Variants in ANO9 observed in about 807,000 individuals in gnomAD.
The protein encoded by ANO9 is anoctamin 9, also known as anoctamin-9.
ANO9 carries 80 observed loss-of-function variants against 100.5 expected under a neutral mutation model. The ratio of observed to expected loss-of-function variants is 0.80; its 90% confidence interval spans 0.66 to 0.96. ANO9 has a LOEUF of 0.96. ANO9 is among the 40% of genes least tolerant of loss of function. The pLI is 0.00. For synonymous variants in ANO9, 473 were observed against 435.6 expected (o/e 1.09, Z -1.07); for missense variants, 1,064 against 1,072.7 (o/e 0.99, Z 0.11).
chr11:429,535 G>T, intron 11 of ANO9, 35 bp downstream of exon 11: 1 of 1,610,020 alleles, frequency 6.2e-7, no homozygotes, highest in Non-Finnish European at 8.5e-7. Flanking sequence ...CCCCTGCTCG[G>T]GTCGGCCTCA....
rs373457447 is a variant in ANO9 at position 428,709 on chromosome 11, G to A, written c.1020+13C>T. 8.1e-6 allele frequency: 13 copies of A among 1,612,830 alleles called. No homozygotes were observed. The highest frequency in any genetic ancestry group is 1.0e-5 in the Non-Finnish European group (12 of 1,179,910). ...CCCGGGTCTCCAGCCCCACCGCGGT[G>A]TCCCCTGCGTACCATGAGCAGGGTC... On this transcript the variant is annotated intron_variant, in intron 12 of 22. Coordinates refer to ENST00000332826, the MANE Select transcript of ANO9 (RefSeq NM_001012302.3).
At chr11:429,372 A>G (rs2133696072) in intron 11 of ANO9, 198 bp downstream of exon 11, 1 of 1,300,762 alleles carries the variant, frequency 7.7e-7, no homozygotes, top group Non-Finnish European at 1.0e-6. Context: ...GACACGGGAC[A>G]CTCACCCCAC....
At chr11:438,384 GCCCCCC>G (rs376556283) in intron 1 of ANO9, among the ~76,000 whole-genome samples, 1 of 95,450 alleles carries the variant, frequency 1.0e-5, no homozygotes, top group Non-Finnish European at 2.0e-5. Context: ...GACAGGTGTA[GCCCCCC>G]CCCGACTCAC....
intron 1 of ANO9, among the ~76,000 whole-genome samples, chr11:441,613 T>C (rs1208743734): frequency 6.6e-6 from 1 of 152,096 alleles, no homozygotes; most frequent in Admixed American, 6.5e-5. Context: ...TGTTCAGGAC[T>C]CTGGTAGAGG....
In ANO9 at chr11:432,970, G is replaced by A. The variant is rs1003856000; in HGVS notation, c.350+344C>T. 2 of 283,472 alleles carry A rather than the reference G, an allele frequency of 7.1e-6. No homozygotes were observed. Among genetic ancestry groups the A allele is most frequent in the Non-Finnish European group, 1.3e-5 (2 of 153,116 alleles). The allele number at this position is 283,472 out of a possible 1,614,324, so 17.6% of individuals were successfully genotyped here. A position where few individuals can be genotyped will look rare whatever the true frequency, so the allele number is the denominator to read the frequency against. ...GGGGCATCGGAACTGGAGAGGAGGG[G>A]TCTTCAAGAGACACTGGCCTTGATC... On this transcript the variant is annotated intron_variant, in intron 4 of 22. Transcript: ENST00000332826. The surrounding 1 kb of genome is among the most constrained non-coding windows in gnomAD (Gnocchi z 4.8).
At chr11:439,935 C>G (rs1845726787) in intron 1 of ANO9, among the ~76,000 whole-genome samples, 2 of 152,350 alleles carry the variant, frequency 1.3e-5, no homozygotes, top group Admixed American at 1.3e-4. Context: ...CCCTCCCAGG[C>G]AGTGCGTGGC....
rs1848133716 is a variant in ANO9, at chr11:420,838, A to G, written c.1513T>C (p.Ser505Pro). ...TGCCCGGACTCGGAGGCCCGCAGAG[A>G]GCGGCACTTGTGGGTCACCCACCTG... ...LVPWVTHKCR[S>P]LRASESGHLP... The change falls in exon 18 of 23, where the codon TCT (serine) becomes CCT (proline). Residue 505 changes from serine (S) to proline (P), a missense_variant. Ser to Pro is a moderately conservative substitution (Grantham distance 74, BLOSUM62 -1). Coordinates refer to ENST00000332826, the MANE Select transcript of ANO9 (RefSeq NM_001012302.3). The G allele has an allele frequency of 6.3e-7, 1 of 1,591,424 alleles. No homozygotes were observed. The highest frequency in any genetic ancestry group is 2.3e-5 in the East Asian group (1 of 44,210).
intron 1 of ANO9, among the ~76,000 whole-genome samples, chr11:439,916 T>C (rs538463216): frequency 6.6e-6 from 1 of 152,286 alleles, no homozygotes; most frequent in East Asian, 1.9e-4. Flanking sequence ...CGGAGCGACC[T>C]GCGTGCAGCC....
intron 7 of ANO9, 53 bp from the exon 8 acceptor site, chr11:430,456 A>G (rs11603743): frequency 0.62 from 421,443 of 679,684 alleles, 124,190 homozygotes; most frequent in African/African-American, 0.69. Flanking sequence ...GGGGAGGGAC[A>G]GGAAAGGGAT....
chr11:437,157 G>T (rs1394059305), intron 1 of ANO9, among the ~76,000 whole-genome samples: 1 of 151,830 alleles, frequency 6.6e-6, no homozygotes, highest in South Asian at 2.1e-4. Flanking sequence ...TGTGCACTGC[G>T]CATGCAGGGA....
In ANO9 at chr11:432,043, C is replaced by T. The variant is rs755574497; in HGVS notation, c.362G>A (p.Arg121Gln). 5.6e-6 allele frequency: 9 copies of T among 1,612,950 alleles called. No individual in the cohort carries two copies. Among genetic ancestry groups the T allele is most frequent in the Non-Finnish European group, 6.8e-6 (8 of 1,179,770 alleles). ...TIPVTTSLRI[R>Q]IVNFVVMNNK... The stretch of plus-strand genomic sequence containing the variant: ...GTTCATGACAACGAAGTTCACGATT[C>T]GGATTCTGAGACTCAAGAGCCAGAG... Residue 121 changes from arginine (R) to glutamine (Q), a missense_variant, in exon 5 of 23, where the codon CGA becomes CAA. Arg to Gln is a conservative substitution (Grantham distance 43). Coordinates refer to ENST00000332826, the MANE Select transcript of ANO9 (RefSeq NM_001012302.3). This position sits in a 1 kb window ranked among gnomAD's most constrained non-coding sequence, Gnocchi z 4.8.
intron 1 of ANO9, among the ~76,000 whole-genome samples, chr11:438,307 C>G (rs1845536330): frequency 6.6e-6 from 1 of 151,972 alleles, no homozygotes; most frequent in Non-Finnish European, 1.5e-5. Context: ...AGCACTAGGG[C>G]TGCCAGGTGT....
chr11:424,436 C>T (rs911330862), intron 15 of ANO9, among the ~76,000 whole-genome samples: 3 of 152,228 alleles, frequency 2.0e-5, no homozygotes, highest in Non-Finnish European at 4.4e-5. Context: ...TTCTTAACCT[C>T]TCTGGTCCTC....
rs1847964174 is a variant in ANO9, at chr11:418,345, T to C, written c.*26A>G. 6.4e-7 allele frequency: 1 copy of C among 1,554,512 alleles called. No homozygotes were observed. Among genetic ancestry groups the C allele is most frequent in the African/African-American group, 1.4e-5 (1 of 73,246 alleles). On this transcript the variant is annotated 3_prime_UTR_variant, in exon 23 of 23. Coordinates refer to ENST00000332826, the MANE Select transcript of ANO9 (RefSeq NM_001012302.3). ...CTGGTGGTGGCACTGTCTCAGCTCCTGGTGGCCTCTGGACGGGCTCTGGCC... is the reference window on the plus strand; with the variant it reads ...CTGGTGGTGGCACTGTCTCAGCTCCCGGTGGCCTCTGGACGGGCTCTGGCC...
In ANO9 at chr11:428,557, G is replaced by A; in HGVS notation, c.1103C>T (p.Pro368Leu). The change falls in exon 13 of 23, where the codon CCC (proline) becomes CTC (leucine). Residue 368 changes from proline (P) to leucine (L), a missense_variant. Pro to Leu is a moderately conservative substitution (Grantham distance 98). Transcript: ENST00000332826. ...CGTGGTCACCTGCTCCTCCAGGAAG[G>A]GCACGGCCGAGCTGCTGAAGAGCGC... is the stretch of plus-strand genomic sequence containing the variant. ...ASALFSSSAV[P>L]FLEEQVTTAV... 1.2e-6 allele frequency: 2 copies of A among 1,612,682 alleles called. No homozygotes were observed. The highest frequency in any genetic ancestry group is 1.7e-6 in the Non-Finnish European group (2 of 1,179,920).
intron 14 of ANO9, 72 bp downstream of exon 14, chr11:428,286 C>T (rs996276214): frequency 1.2e-6 from 2 of 1,608,138 alleles, no homozygotes; most frequent in African/African-American, 2.7e-5. Context: ...TGCTCTCTGA[C>T]CACAGCCCCA....
In ANO9 at chr11:422,565, A is replaced by C. The variant is rs866844414; in HGVS notation, c.1335-1367T>G. Among the ~76,000 whole-genome samples the C allele has an allele frequency of 1.3e-5, 2 of 152,298 alleles. No individual in the cohort carries two copies. Among genetic ancestry groups the C allele is most frequent in the South Asian group, 4.1e-4 (2 of 4,834 alleles). ...GACTCACTCAGAAGGACTCAGCCCC[A>C]CGCTGCAAGCTCTGCAGGGGGAGGA... On this transcript the variant is annotated intron_variant, in intron 15 of 22. Transcript: ENST00000332826. The surrounding 1 kb of genome is among the most constrained non-coding windows in gnomAD (Gnocchi z 4.3).
rs201521433 is a variant in ANO9, at chr11:428,352, T to A, written c.1222+6A>T. Reference sequence around the variant, plus strand: ...CCCCCAAGAGGGTCTGGGGTAGTCCTCTCACCGAAGTCACAAAGCTTCAGG... The same window carrying A: ...CCCCCAAGAGGGTCTGGGGTAGTCCACTCACCGAAGTCACAAAGCTTCAGG... On this transcript the variant is annotated splice_donor_region_variant and intron_variant, in intron 14 of 22. Transcript: ENST00000332826. The A allele has an allele frequency of 2.6e-4, 421 of 1,612,458 alleles. No individual in the cohort carries two copies. In the Middle Eastern group the frequency reaches 2.7e-3, roughly 10 times the overall value.
In ANO9 at chr11:428,520, C is replaced by A; in HGVS notation, c.1140G>T (p.Val380=). ...LEEQVTTAVV[V]TGALVHYVTI... ...TCACATAGTGCACCAGAGCCCCGGT[C>A]ACCACCACGGCCGTGGTCACCTGCT... The change falls in exon 13 of 23, where the codon GTG becomes GTT. Residue 380 remains valine (V), a synonymous_variant. Transcript: ENST00000332826. The A allele has an allele frequency of 1.2e-6, 2 of 1,612,636 alleles. No homozygotes were observed. The highest frequency in any genetic ancestry group is 2.2e-5 in the South Asian group (2 of 91,070).
Sources: allele counts gnomAD v4.1 joint callset (sites outside exome capture counted in the v4.1 genomes callset), GRCh38; gene constraint gnomAD v4.1.1; non-coding constraint Gnocchi (gnomAD v3.1); transcripts MANE v1.5; gene names NCBI Gene and HGNC (gene_info 2026-07-23, HGNC 2026-07-21).